CCDC126: variants seen among roughly 807,000 people sequenced by gnomAD.
The protein encoded by CCDC126 is coiled-coil domain containing 126.
Under a neutral mutation model 11.7 loss-of-function variants are expected in CCDC126, and 5 were observed. The observed-to-expected ratio is 0.43, with a 90% CI of 0.22 to 0.90. CCDC126 has a LOEUF of 0.90. Among genes scored for constraint, CCDC126 ranks in the 40% least tolerant of loss-of-function variants. The pLI is 0.27. For synonymous variants in CCDC126, 60 were observed against 61.9 expected (o/e 0.97, Z 0.14); for missense variants, 150 against 163.1 (o/e 0.92, Z 0.44).
At chr7:23,622,893 A>G (rs1434858529) in intron 3 of CCDC126, 5 of 348,398 alleles carry the variant, frequency 1.4e-5, no homozygotes, top group Non-Finnish European at 2.2e-5. Flanking sequence ...TTCATTACAC[A>G]TGCAGTAACA....
At chr7:23,615,020 G>T (rs1239339123) in intron 3 of CCDC126, among the ~76,000 whole-genome samples, 1 of 152,174 alleles carries the variant, frequency 6.6e-6, no homozygotes, top group Non-Finnish European at 1.5e-5. Context: ...AAGAAAGTCA[G>T]CCTGTCATTT....
intron 3 of CCDC126, among the ~76,000 whole-genome samples, chr7:23,628,099 G>C (rs1484946302): frequency 6.6e-6 from 1 of 152,110 alleles, no homozygotes; most frequent in Non-Finnish European, 1.5e-5. Context: ...CAGGCTATTG[G>C]AGATTATCTT....
chr7:23,643,134 T>TA lies in CCDC126; in HGVS notation c.*19_*20insA. 6.2e-7 allele frequency: 1 copy of TA among 1,606,392 alleles called. No homozygotes were observed. Among genetic ancestry groups the TA allele is most frequent in the Non-Finnish European group, 8.5e-7 (1 of 1,174,988 alleles). On this transcript the variant is annotated 3_prime_UTR_variant, in exon 4 of 4. Coordinates refer to ENST00000307471, the MANE Select transcript of CCDC126 (RefSeq NM_138771.4). The stretch of plus-strand genomic sequence containing the variant: ...CAGATAGCAGTTGAAAATCACCTTG[T>TA]GCTGCTCCATCCACTGTGGATTATA...
chr7:23,639,017 C>G (rs1282623400), intron 3 of CCDC126, among the ~76,000 whole-genome samples: 1 of 151,704 alleles, frequency 6.6e-6, no homozygotes, highest in African/African-American at 2.4e-5. Flanking sequence ...TGATTATCTC[C>G]TGTTTACCAA....
intron 3 of CCDC126, among the ~76,000 whole-genome samples, chr7:23,620,972 G>T (rs1031366832): frequency 1.3e-5 from 2 of 152,176 alleles, no homozygotes; most frequent in Non-Finnish European, 2.9e-5. Flanking sequence ...TGCTGTTTTG[G>T]TTACTGTAGC....
intron 3 of CCDC126, 29 bp from the exon 4 acceptor site, chr7:23,642,902 G>A: frequency 6.3e-7 from 1 of 1,594,342 alleles, no homozygotes; most frequent in Non-Finnish European, 8.6e-7. Flanking sequence ...CTCTATTAAT[G>A]TTAATTTTAT....
chr7:23,640,089 A>G (rs1198434450), intron 3 of CCDC126, among the ~76,000 whole-genome samples: 1 of 152,094 alleles, frequency 6.6e-6, no homozygotes, highest in Admixed American at 6.6e-5. Context: ...AGGCTGAGGC[A>G]GGAGAATCGC....
At chr7:23,618,915 G>A (rs1300719853) in intron 3 of CCDC126, among the ~76,000 whole-genome samples, 2 of 152,054 alleles carry the variant, frequency 1.3e-5, no homozygotes, top group Admixed American at 1.3e-4. Flanking sequence ...TCTAATATCA[G>A]TATATTTAGG....
At chr7:23,633,075 C>T (rs1453886450) in intron 3 of CCDC126, among the ~76,000 whole-genome samples, 2 of 152,166 alleles carry the variant, frequency 1.3e-5, no homozygotes, top group Non-Finnish European at 2.9e-5. Flanking sequence ...TCACCATAAC[C>T]TCCACTTCCT....
chr7:23,612,669 T>G (rs1239330093), intron 3 of CCDC126, among the ~76,000 whole-genome samples: 2 of 151,940 alleles, frequency 1.3e-5, no homozygotes, highest in Admixed American at 1.3e-4. Flanking sequence ...TGAGACCTCA[T>G]CTCTTAAGAA....
intron 2 of CCDC126, among the ~76,000 whole-genome samples, chr7:23,606,251 G>A (rs1171628452): frequency 6.6e-6 from 1 of 151,904 alleles, no homozygotes; most frequent in Non-Finnish European, 1.5e-5. Flanking sequence ...GTAGAGACGG[G>A]GTTTCATCAT....
chr7:23,606,871 G>A (rs1455764450), intron 2 of CCDC126, among the ~76,000 whole-genome samples: 2 of 151,928 alleles, frequency 1.3e-5, no homozygotes, highest in South Asian at 2.1e-4. Context: ...AGGTGATCAC[G>A]TGATGAGGCA....
At position 23,642,912 on chromosome 7, in the gene CCDC126, T is replaced by C. The variant is rs1415258556; in HGVS notation, c.239-19T>C. ...AAGAGCTCTATTAATGTTAATTTTA[T>C]TCTGATTTATTCCCCTAGCGGATCT... On this transcript the variant is annotated intron_variant, in intron 3 of 3. Transcript: ENST00000307471. 1 of 1,605,212 alleles carries C rather than the reference T, an allele frequency of 6.2e-7. No homozygotes were observed. The highest frequency in any genetic ancestry group is 1.3e-5 in the African/African-American group (1 of 74,628).
In CCDC126 at chr7:23,644,637, C is replaced by T. The variant is rs1342203367; in HGVS notation, c.*1522C>T. ...AGTTTGGAATAATTGTTTAGTCTCT[C>T]CTATTAGATGTGGACATTTTTGTTT... On this transcript the variant is annotated 3_prime_UTR_variant, in exon 4 of 4. Coordinates refer to ENST00000307471, the MANE Select transcript of CCDC126 (RefSeq NM_138771.4). 6 of 152,546 alleles carry T rather than the reference C, an allele frequency of 3.9e-5. No homozygotes were observed. In the East Asian group the frequency reaches 9.6e-4, roughly 25 times the overall value. 9.4% of individuals were successfully genotyped at this position (152,546 alleles called of 1,614,324 possible).
intron 2 of CCDC126, among the ~76,000 whole-genome samples, chr7:23,607,397 G>A (rs1047346665): frequency 1.1e-4 from 17 of 152,060 alleles, no homozygotes; most frequent in Non-Finnish European, 2.2e-4. Flanking sequence ...AAAAATTGAG[G>A]AGGTTCAAAG....
chr7:23,642,953 T>C lies in CCDC126; in HGVS notation c.261T>C (p.Ala87=), dbSNP rs1183849201. The stretch of plus-strand genomic sequence containing the variant: ...TAGCGGATCTGAAAAGAACAATTGC[T>C]GTCCTTCTGGATGACATTTTGCAAC... The part of the protein sequence containing the change: ...AGYADLKRTI[A]VLLDDILQRL... Residue 87 remains alanine, a synonymous_variant, in exon 4 of 4, where the codon GCT becomes GCC. Coordinates refer to ENST00000307471, the MANE Select transcript of CCDC126 (RefSeq NM_138771.4). 1 of 1,614,102 alleles carries C rather than the reference T, an allele frequency of 6.2e-7. No individual in the cohort carries two copies.
intron 3 of CCDC126, among the ~76,000 whole-genome samples, chr7:23,639,261 A>G (rs1202698405): frequency 6.1e-5 from 9 of 146,816 alleles, no homozygotes; most frequent in Admixed American, 4.2e-4. Context: ...GCACGATCTC[A>G]GCTCACTGCA....
intron 2 of CCDC126, among the ~76,000 whole-genome samples, chr7:23,600,374 A>ACCCCCCCCC (rs35190673): frequency 2.5e-5 from 2 of 80,548 alleles, no homozygotes; most frequent in African/African-American, 4.7e-5. Flanking sequence ...TTCTGTGTTA[A>ACCCCCCCCC]CCCCCCCCCC....
At chr7:23,619,330 A>T in intron 3 of CCDC126, 1 of 322,002 alleles carries the variant, frequency 3.1e-6, no homozygotes. Context: ...GTGTGGCGTG[A>T]CCATAGGGAA....
Sources: gnomAD v4.1 joint callset for allele counts (sites outside exome capture counted in the v4.1 genomes callset) on GRCh38, gnomAD v4.1.1 for gene constraint, MANE v1.5 for transcripts, NCBI Gene and HGNC (gene_info 2026-07-23, HGNC 2026-07-21) for gene names.